The following CFHR3 variants were observed in gnomAD, a reference collection of about 807,000 sequenced individuals.
CFHR3 encodes complement factor H related 3.
CFHR3 carries 22 observed loss-of-function variants against 36.0 expected under a neutral mutation model. The ratio of observed to expected loss-of-function variants is 0.61; its 90% confidence interval spans 0.44 to 0.87. The LOEUF (loss-of-function observed/expected upper bound fraction) is 0.87, where lower values mean the gene tolerates loss of function less well. CFHR3 is among the 40% of genes least tolerant of loss of function. The probability of loss-of-function intolerance (pLI) is 0.00; values close to 1 mark genes in which losing one functional copy is unlikely to be tolerated. For synonymous variants in CFHR3, 97 were observed against 137.4 expected (o/e 0.71, Z 2.06); for missense variants, 276 against 401.3 (o/e 0.69, Z 2.67).
Position 196,779,351 on chromosome 1 carries a change from G to T in CFHR3, c.248G>T (p.Cys83Phe). The T allele has an allele frequency of 6.7e-7, 1 of 1,498,178 alleles. No homozygotes were observed. The highest frequency in any genetic ancestry group is 1.3e-5 in the South Asian group (1 of 79,794). The allele number at this position is 1,498,178 out of a possible 1,614,324, so 92.8% of individuals were successfully genotyped here. Residue 83 changes from cysteine (C) to phenylalanine (F), a missense_variant, in exon 2 of 6, where the codon TGT (cysteine) becomes TTT (phenylalanine). Transcript: ENST00000367425. Reference sequence around the variant, plus strand: ...AATGGGTGGTCACCAGCAGTACCATGTCTCAGTAAGTAATCCTCTGAACTG... The same window carrying T: ...AATGGGTGGTCACCAGCAGTACCATTTCTCAGTAAGTAATCCTCTGAACTG... Reference protein sequence around the residue: ...TQNGWSPAVPCLRKCYFPYLE... With the variant: ...TQNGWSPAVPFLRKCYFPYLE...
chr1:196,791,000 A>G (rs1216368149), intron 5 of CFHR3, among the ~76,000 whole-genome samples: 2 of 136,404 alleles, frequency 1.5e-5, no homozygotes, highest in Non-Finnish European at 3.1e-5. Flanking sequence ...GTTTCAAAAA[A>G]CCACAAACTA....
chr1:196,789,050 A>T (rs1334869558), intron 4 of CFHR3: 4 of 1,197,412 alleles, frequency 3.3e-6, no homozygotes, highest in Non-Finnish European at 4.2e-6. Flanking sequence ...GATAAAGAGA[A>T]TGCATAATGA....
rs1190143437 is a variant in CFHR3 at position 196,787,334 on chromosome 1, T to C, written c.431-882T>C. On this transcript the variant is annotated intron_variant, in intron 3 of 5. Coordinates refer to ENST00000367425, the MANE Select transcript of CFHR3 (RefSeq NM_021023.6). ...TTACAATAGAAACTGAACATTGTAG[T>C]TTAGAGGCTGGAGGAGATTAATAGG... Among the ~76,000 whole-genome samples the C allele has an allele frequency of 1.5e-5, 2 of 136,996 alleles. 1 individual carries two copies. Among genetic ancestry groups the C allele is most frequent in the Non-Finnish European group, 3.1e-5 (2 of 64,588 alleles). 89.9% of individuals were successfully genotyped at this position (136,996 alleles called of 152,430 possible). A position where few individuals can be genotyped will look rare whatever the true frequency, so the allele number is the denominator to read the frequency against.
rs1299069028 is a variant in CFHR3, at chr1:196,782,583, C to G, written c.430+2610C>G. Among the ~76,000 whole-genome samples the G allele has an allele frequency of 5.9e-5, 8 of 136,648 alleles. 3 individuals are homozygous for G. The highest frequency in any genetic ancestry group is 2.5e-4 in the African/African-American group (8 of 32,544). 89.6% of individuals were successfully genotyped at this position (136,648 alleles called of 152,430 possible). On this transcript the variant is annotated intron_variant, in intron 3 of 5. Transcript: ENST00000367425. Reference sequence around the variant, plus strand: ...TGAAGCAATTGTGAATGGGAGTTCACTCATGATTTGGCTCTCTGTTTGTCT... The same window carrying G: ...TGAAGCAATTGTGAATGGGAGTTCAGTCATGATTTGGCTCTCTGTTTGTCT...
At chr1:196,789,438 T>C in intron 4 of CFHR3, 1 of 928,246 alleles carries the variant, frequency 1.1e-6, no homozygotes, top group Non-Finnish European at 1.3e-6. Context: ...AAAAGGTGTA[T>C]ACTTCAATTT....
Position 196,779,672 on chromosome 1 carries a change from T to C in CFHR3, c.254-125T>C. On this transcript the variant is annotated intron_variant, in intron 2 of 5. Transcript: ENST00000367425. ...GTTAGTAATTTTGGTTCATACTAAG[T>C]TGTACATTATTTTTGGATGTTTATG... The C allele has an allele frequency of 3.2e-6, 4 of 1,253,360 alleles. No individual in the cohort carries two copies. In the East Asian group the frequency reaches 1.0e-4, roughly 32 times the overall value. The allele number at this position is 1,253,360 out of a possible 1,614,324, so 77.6% of individuals were successfully genotyped here.
At chr1:196,778,896 T>C (rs1320922452) in intron 1 of CFHR3, among the ~76,000 whole-genome samples, 1 of 136,776 alleles carries the variant, frequency 7.3e-6, no homozygotes, top group Admixed American at 7.1e-5. Context: ...GTAGAGAAAG[T>C]AGAATGAGGT....
chr1:196,788,109 A>G (rs1654278359), intron 3 of CFHR3, 107 bp from the exon 4 acceptor site: 2 of 783,636 alleles, frequency 2.6e-6, no homozygotes, highest in Non-Finnish European at 3.6e-6. Flanking sequence ...TCAATTCATT[A>G]ACAAATGTTT....
chr1:196,787,708 C>T lies in CFHR3; in HGVS notation c.431-508C>T, dbSNP rs1467341734. ...ATTTCCACATGCCTCTCAAACACCA[C>T]GTCTATATGGGTTTAAGCACCCACT... On this transcript the variant is annotated intron_variant, in intron 3 of 5. Transcript: ENST00000367425. Among the ~76,000 whole-genome samples, 9 of 136,656 alleles carry T rather than the reference C, an allele frequency of 6.6e-5. 2 individuals are homozygous for T. Among genetic ancestry groups the T allele is most frequent in the African/African-American group, 2.1e-4 (7 of 32,608 alleles). 89.7% of individuals were successfully genotyped at this position (136,656 alleles called of 152,430 possible). A position where few individuals can be genotyped will look rare whatever the true frequency, so the allele number is the denominator to read the frequency against.
At position 196,781,765 on chromosome 1, in the gene CFHR3, T is replaced by C. The variant is rs1445060301; in HGVS notation, c.430+1792T>C. 3.7e-5 allele frequency among the ~76,000 whole-genome samples: 5 copies of C among 135,018 alleles called. 2 individuals carry two copies. The highest frequency in any genetic ancestry group is 1.6e-4 in the African/African-American group (5 of 31,936). The allele number at this position is 135,018 out of a possible 152,430, so 88.6% of individuals were successfully genotyped here. A position where few individuals can be genotyped will look rare whatever the true frequency, so the allele number is the denominator to read the frequency against. ...CATTTTGTAGGTTGCCTGTTCACTC[T>C]GATGGTAGTTTCTTTTGCTGTGCGG... is the stretch of plus-strand genomic sequence containing the variant. On this transcript the variant is annotated intron_variant, in intron 3 of 5. Transcript: ENST00000367425.
At chr1:196,776,491 C>T (rs1005082391) in intron 1 of CFHR3, among the ~76,000 whole-genome samples, 1 of 136,816 alleles carries the variant, frequency 7.3e-6, no homozygotes, top group African/African-American at 3.0e-5. Flanking sequence ...GAGTGCTTAG[C>T]GATGTAATTA....
At position 196,790,663 on chromosome 1, in the gene CFHR3, G is replaced by T. The variant is rs187006956; in HGVS notation, c.796+436G>T. 2.0e-3 allele frequency among the ~76,000 whole-genome samples: 274 copies of T among 135,116 alleles called. 79 individuals carry two copies. The highest frequency in any genetic ancestry group is 8.3e-3 in the African/African-American group (268 of 32,142). The allele number at this position is 135,116 out of a possible 152,430, so 88.6% of individuals were successfully genotyped here. ...CATTTGAACCCGGGAGGCAGAGGTTGCAGTGAGTGGAGATTGCACCATTGC... is the reference window on the plus strand; with the variant it reads ...CATTTGAACCCGGGAGGCAGAGGTTTCAGTGAGTGGAGATTGCACCATTGC... On this transcript the variant is annotated intron_variant, in intron 5 of 5. Coordinates refer to ENST00000367425, the MANE Select transcript of CFHR3 (RefSeq NM_021023.6).
At position 196,791,501 on chromosome 1, in the gene CFHR3, T is replaced by C. The variant is rs1177873881; in HGVS notation, c.796+1274T>C. 7.9e-5 allele frequency among the ~76,000 whole-genome samples: 9 copies of C among 114,586 alleles called. 3 individuals are homozygous for C. The highest frequency in any genetic ancestry group is 5.8e-4 in the South Asian group (2 of 3,450). The allele number at this position is 114,586 out of a possible 152,430, so 75.2% of individuals were successfully genotyped here. ...TTTTTCAAGTGCTCAAGTTCCTAAGTACAGGATGATACAAGCAGTTGTTTT... is the reference window on the plus strand; with the variant it reads ...TTTTTCAAGTGCTCAAGTTCCTAAGCACAGGATGATACAAGCAGTTGTTTT... On this transcript the variant is annotated intron_variant, in intron 5 of 5. Transcript: ENST00000367425.
intron 3 of CFHR3, among the ~76,000 whole-genome samples, chr1:196,787,996 C>A (rs1654274943): frequency 7.3e-6 from 1 of 137,202 alleles, no homozygotes; most frequent in Admixed American, 7.0e-5. Context: ...CTCAAGGATT[C>A]TTTGCTTTCA....
At chr1:196,783,019 T>C (rs1001482371) in intron 3 of CFHR3, among the ~76,000 whole-genome samples, 2 of 137,348 alleles carry the variant, frequency 1.5e-5, no homozygotes, top group African/African-American at 6.1e-5. Context: ...TGAAGCGTTG[T>C]TGAATTTTGT....
Position 196,793,788 on chromosome 1 carries a change from T to C in CFHR3, c.*275T>C. ...ATTAGTAAGTATAGAGACAGACAGC[T>C]GAATGGCTTTCTGCATATTGTATAG... On this transcript the variant is annotated 3_prime_UTR_variant, in exon 6 of 6. Transcript: ENST00000367425. The C allele has an allele frequency of 1.7e-5, 5 of 289,622 alleles. 1 individual carries two copies. Among genetic ancestry groups the C allele is most frequent in the Non-Finnish European group, 3.2e-5 (5 of 158,138 alleles). 17.9% of individuals were successfully genotyped at this position (289,622 alleles called of 1,614,324 possible).
At chr1:196,785,440 C>T (rs9659542) in intron 3 of CFHR3, among the ~76,000 whole-genome samples, 34,772 of 132,070 alleles carry the variant, frequency 0.26, 9,139 homozygotes, top group East Asian at 0.5. Flanking sequence ...TTCAGGTACA[C>T]CAATCAGATG....
intron 3 of CFHR3, among the ~76,000 whole-genome samples, chr1:196,782,559 G>C (rs187315824): frequency 0.01 from 1,367 of 136,592 alleles, 183 homozygotes; most frequent in East Asian, 0.1. Flanking sequence ...TATTCTCTTT[G>C]AAGCAATTGT....
At position 196,785,597 on chromosome 1, in the gene CFHR3, G is replaced by A. The variant is rs1361875889; in HGVS notation, c.431-2619G>A. Among the ~76,000 whole-genome samples, 12 of 136,280 alleles carry A rather than the reference G, an allele frequency of 8.8e-5. 3 individuals are homozygous for A. The highest frequency in any genetic ancestry group is 5.9e-4 in the East Asian group (3 of 5,110). 89.4% of individuals were successfully genotyped at this position (136,280 alleles called of 152,430 possible). A position where few individuals can be genotyped will look rare whatever the true frequency, so the allele number is the denominator to read the frequency against. ...ACCCTTTCTTCCAGATGATCACATCGGCTCCTGAGGCTTCTGTATTCTTCA... is the reference window on the plus strand; with the variant it reads ...ACCCTTTCTTCCAGATGATCACATCAGCTCCTGAGGCTTCTGTATTCTTCA... On this transcript the variant is annotated intron_variant, in intron 3 of 5. Transcript: ENST00000367425.
Sources: allele counts gnomAD v4.1 joint callset (sites outside exome capture counted in the v4.1 genomes callset), GRCh38; gene constraint gnomAD v4.1.1; transcripts MANE v1.5; gene names NCBI Gene and HGNC (gene_info 2026-07-23, HGNC 2026-07-21).